SSBP3: variants seen among roughly 807,000 people sequenced by gnomAD.
SSBP3 encodes single stranded DNA binding protein 3, also known as single-stranded DNA-binding protein 3.
Under a neutral mutation model 69.6 loss-of-function variants are expected in SSBP3, and 5 were observed. The observed-to-expected ratio is 0.07, with a 90% CI of 0.04 to 0.15. The LOEUF (loss-of-function observed/expected upper bound fraction) is 0.15, where lower values mean the gene tolerates loss of function less well. Ranked by LOEUF, SSBP3 falls within the 10% of genes least tolerant of loss-of-function variation. The probability of loss-of-function intolerance (pLI) is 1.00; values close to 1 mark genes in which losing one functional copy is unlikely to be tolerated. For missense variants in SSBP3, 312 were observed against 534.0 expected (o/e 0.58, Z 4.10); for synonymous variants, 196 against 193.4 (o/e 1.01, Z -0.11).
At chr1:54,226,678 T>A (rs936970613) in exon 18 of SSBP3, 11 of 153,106 alleles carry the variant, frequency 7.2e-5, no homozygotes, top group Admixed American at 4.6e-4. Context: ...TTTTTTTTTT[T>A]TTTTAAGAAG....
intron 4 of SSBP3, among the ~76,000 whole-genome samples, chr1:54,369,219 G>GGGT (rs1553146698): frequency 1.9e-5 from 1 of 53,122 alleles, no homozygotes; most frequent in African/African-American, 1.5e-4. Flanking sequence ...CTCTTGAGTC[G>GGGT]GGGGGGGGGC....
chr1:54,314,728 C>T (rs1401024356), intron 4 of SSBP3, among the ~76,000 whole-genome samples: 3 of 152,100 alleles, frequency 2.0e-5, no homozygotes, highest in Non-Finnish European at 4.4e-5. Flanking sequence ...CTGGTCTCAC[C>T]AGAATTGGAG....
exon 1 of SSBP3, chr1:54,406,029 C>G: frequency 7.1e-7 from 1 of 1,411,746 alleles, no homozygotes; most frequent in Non-Finnish European, 9.4e-7. Flanking sequence ...GAAGAGGGCG[C>G]CGAGCCTCGC....
chr1:54,239,001 C>T (rs943969546), intron 14 of SSBP3, 128 bp downstream of exon 14: 13 of 768,284 alleles, frequency 1.7e-5, no homozygotes, highest in East Asian at 6.4e-5. Flanking sequence ...ACTTTTCTGA[C>T]GGTTTATTTT....
chr1:54,349,180 G>C (rs553680900), intron 4 of SSBP3, among the ~76,000 whole-genome samples: 133 of 152,344 alleles, frequency 8.7e-4, no homozygotes, highest in Middle Eastern at 3.4e-3. Context: ...CTATGGAGGA[G>C]AGATTAGAAT....
intron 4 of SSBP3, among the ~76,000 whole-genome samples, chr1:54,386,683 C>CTTTTTTTTTTTTTTTTTTT (rs58429798): frequency 0.018 from 1,370 of 75,974 alleles, 293 homozygotes; most frequent in African/African-American, 0.044. Flanking sequence ...ACTGATCCTA[C>CTTTTTTTTTTTTTTTTTTT]TTTTTTTTTT....
intron 4 of SSBP3, among the ~76,000 whole-genome samples, chr1:54,364,090 C>A (rs1646991144): frequency 6.6e-6 from 1 of 152,228 alleles, no homozygotes; most frequent in Non-Finnish European, 1.5e-5. Flanking sequence ...CTTAGGTTGG[C>A]AAACCAGTAA....
chr1:54,254,388 A>T (rs1017080705), intron 7 of SSBP3, among the ~76,000 whole-genome samples: 3 of 151,742 alleles, frequency 2.0e-5, no homozygotes, highest in African/African-American at 7.3e-5. Context: ...GATTCCAGCC[A>T]CTCTCTCCTA....
chr1:54,378,186 G>A (rs535439611), intron 4 of SSBP3, among the ~76,000 whole-genome samples: 1 of 152,264 alleles, frequency 6.6e-6, no homozygotes, highest in East Asian at 1.9e-4. Flanking sequence ...ACTGAATCCA[G>A]CCCAACTTTC....
intron 13 of SSBP3, among the ~76,000 whole-genome samples, chr1:54,240,484 C>CG (rs1644613262): frequency 1.1e-4 from 2 of 17,496 alleles, no homozygotes; most frequent in Admixed American, 5.5e-4. Context: ...GGGGGGGGGG[C>CG]GGGGGGGAGA....
intron 4 of SSBP3, among the ~76,000 whole-genome samples, chr1:54,398,658 T>C (rs1418999909): frequency 3.9e-5 from 6 of 152,158 alleles, no homozygotes; most frequent in Non-Finnish European, 8.8e-5. Context: ...GTCAACACTC[T>C]GAGATGCACT....
chr1:54,227,868 A>G (rs556414165), intron 17 of SSBP3, among the ~76,000 whole-genome samples: 1,612 of 152,328 alleles, frequency 0.011, 8 homozygotes, highest in Non-Finnish European at 0.018. Flanking sequence ...GAAGCCCACT[A>G]TAGAAAAGCA....
chr1:54,398,457 G>C (rs1649054292), intron 4 of SSBP3, among the ~76,000 whole-genome samples: 1 of 152,142 alleles, frequency 6.6e-6, no homozygotes, highest in Admixed American at 6.5e-5. Flanking sequence ...GTTTGAGAAG[G>C]CACCAAAGAC....
chr1:54,356,483 T>TGC (rs1255144655), intron 4 of SSBP3: 1 of 152,214 alleles, frequency 6.6e-6, no homozygotes, highest in Admixed American at 6.5e-5. Flanking sequence ...GAACTGTGCC[T>TGC]GCCCCTCCCG....
At chr1:54,251,486 T>A in intron 9 of SSBP3, 130 bp downstream of exon 9, 1 of 1,003,448 alleles carries the variant, frequency 1.0e-6, no homozygotes, top group Non-Finnish European at 1.5e-6. Context: ...GAGCAGGGGA[T>A]GCGGCCATGC....
intron 5 of SSBP3, among the ~76,000 whole-genome samples, chr1:54,276,679 G>A (rs999218355): frequency 6.8e-6 from 1 of 146,312 alleles, no homozygotes; most frequent in Non-Finnish European, 1.5e-5. Flanking sequence ...TCAAGTCCCC[G>A]TCTCCACGAA....
chr1:54,285,227 G>A (rs1176147081), intron 4 of SSBP3, among the ~76,000 whole-genome samples: 2 of 152,144 alleles, frequency 1.3e-5, no homozygotes, highest in African/African-American at 4.8e-5. Context: ...AGAAAAGTGT[G>A]AAGAAGAAAA....
intron 4 of SSBP3, among the ~76,000 whole-genome samples, chr1:54,369,228 G>GC (rs397741461): frequency 1.4e-5 from 2 of 140,564 alleles, no homozygotes; most frequent in African/African-American, 2.7e-5. Context: ...CGGGGGGGGG[G>GC]CCCAAGCCAG....
At chr1:54,406,038 G>GCCA in exon 1 of SSBP3, 2 of 1,212,180 alleles carry the variant, frequency 1.6e-6, no homozygotes, top group Non-Finnish European at 2.2e-6. Flanking sequence ...GCCGAGCCTC[G>GCCA]CCGCCGCCGC....
Sources: allele counts gnomAD v4.1 joint callset (sites outside exome capture counted in the v4.1 genomes callset), GRCh38; gene constraint gnomAD v4.1.1; transcripts MANE v1.5; gene names NCBI Gene and HGNC (gene_info 2026-07-23, HGNC 2026-07-21).